The following MMP15 variants were observed in gnomAD, a reference collection of about 807,000 sequenced individuals.
MMP15 encodes matrix metalloproteinase-15.
In MMP15, 36 loss-of-function variants were observed where a neutral mutation model predicts 65.0. The ratio of observed to expected loss-of-function variants is 0.55; its 90% CI spans 0.42 to 0.73. MMP15 has a LOEUF of 0.73. MMP15 is among the 30% of genes least tolerant of loss of function. The pLI, the probability that MMP15 is intolerant of heterozygous loss-of-function variation, is 0.00. For synonymous variants in MMP15, 428 were observed against 410.2 expected (o/e 1.04, Z -0.52); for missense variants, 870 against 987.8 (o/e 0.88, Z 1.60).
rs573211911 is a variant in MMP15 at position 58,034,411 on chromosome 16, C to T, written c.163-3061C>T. On this transcript the variant is annotated intron_variant, in intron 1 of 9. Coordinates refer to ENST00000219271, the MANE Select transcript of MMP15 (RefSeq NM_002428.4). ...CCTCCTGTGTTCCCCTGAGCTTGTCCCACTTAGTGTGGCAGGAAGGTGCCA... is the reference window on the plus strand; with the variant it reads ...CCTCCTGTGTTCCCCTGAGCTTGTCTCACTTAGTGTGGCAGGAAGGTGCCA... Among the ~76,000 whole-genome samples the T allele has an allele frequency of 5.2e-4, 79 of 151,854 alleles. 1 individual carries two copies. In the South Asian group the frequency reaches 0.016, roughly 30 times the overall value.
chr16:58,031,218 G>T (rs1404966642), intron 1 of MMP15, among the ~76,000 whole-genome samples: 2 of 152,204 alleles, frequency 1.3e-5, no homozygotes, highest in African/African-American at 4.8e-5. Context: ...CTGGCCTGGA[G>T]CCCAAGTTCC....
intron 3 of MMP15, among the ~76,000 whole-genome samples, chr16:58,039,103 A>G (rs1419355252): frequency 6.6e-6 from 1 of 152,238 alleles, no homozygotes; most frequent in Non-Finnish European, 1.5e-5. Context: ...CTGTGAAGAA[A>G]GTACCACACA....
At chr16:58,026,619 T>C in intron 1 of MMP15, 107 bp downstream of exon 1, 5 of 1,185,264 alleles carry the variant, frequency 4.2e-6, no homozygotes, top group Non-Finnish European at 5.4e-6. Context: ...ACGCGCCCCC[T>C]GTTCTGGGCC....
In MMP15 at chr16:58,026,407, C is replaced by T. The variant is rs1186627487; in HGVS notation, c.57C>T (p.Gly19=). Residue 19 remains glycine, a synonymous_variant, in exon 1 of 10, where the codon GGC becomes GGT. Coordinates refer to ENST00000219271, the MANE Select transcript of MMP15 (RefSeq NM_002428.4). The part of the protein sequence containing the change: ...GRPGWTGSLL[G]DREEAARPRL... ...CGGGCTGGACGGGCAGCCTCCTCGG[C>T]GACCGGGAGGAGGCGGCGCGGCCGC... is the stretch of plus-strand genomic sequence containing the variant. 1 of 1,428,710 alleles carries T rather than the reference C, an allele frequency of 7.0e-7. No individual in the cohort carries two copies. The highest frequency in any genetic ancestry group is 9.1e-7 in the Non-Finnish European group (1 of 1,096,488). The allele number at this position is 1,428,710 out of a possible 1,614,324, so 88.5% of individuals were successfully genotyped here. A position where few individuals can be genotyped will look rare whatever the true frequency, so the allele number is the denominator to read the frequency against.
intron 1 of MMP15, among the ~76,000 whole-genome samples, chr16:58,037,035 C>T (rs1464103831): frequency 6.6e-6 from 1 of 152,102 alleles, no homozygotes; most frequent in East Asian, 1.9e-4. Flanking sequence ...GAAACAGCGA[C>T]CTGAAGAAAA....
chr16:58,037,682 G>T (rs1959362003), intron 2 of MMP15, 62 bp downstream of exon 2: 18 of 1,607,298 alleles, frequency 1.1e-5, no homozygotes, highest in Non-Finnish European at 1.4e-5. Flanking sequence ...CTGCTCTCAA[G>T]AGGGCTCAGC....
intron 3 of MMP15, 50 bp downstream of exon 3, chr16:58,038,444 C>G: frequency 1.2e-6 from 2 of 1,606,286 alleles, no homozygotes; most frequent in Non-Finnish European, 1.7e-6. Flanking sequence ...GCAGGCCGAG[C>G]CTCAGACCTC....
chr16:58,036,538 C>T (rs1056383028), intron 1 of MMP15, among the ~76,000 whole-genome samples: 1 of 152,210 alleles, frequency 6.6e-6, no homozygotes, highest in African/African-American at 2.4e-5. Flanking sequence ...GGGAAGGGCA[C>T]ACCCATTGTG....
chr16:58,037,816 A>C (rs1959366390), intron 2 of MMP15, among the ~76,000 whole-genome samples, 196 bp downstream of exon 2: 1 of 152,222 alleles, frequency 6.6e-6, no homozygotes, highest in African/African-American at 2.4e-5. Context: ...CCAGGGGCAG[A>C]ATCCAGGCCT....
In MMP15 at chr16:58,046,586, C is replaced by G. The variant is rs1384257095; in HGVS notation, c.*1140C>G. 1 of 152,764 alleles carries G rather than the reference C, an allele frequency of 6.5e-6. No individual in the cohort carries two copies. Among genetic ancestry groups the G allele is most frequent in the Non-Finnish European group, 1.5e-5 (1 of 68,142 alleles). 9.5% of individuals were successfully genotyped at this position (152,764 alleles called of 1,614,324 possible). On this transcript the variant is annotated 3_prime_UTR_variant, in exon 10 of 10. Coordinates refer to ENST00000219271, the MANE Select transcript of MMP15 (RefSeq NM_002428.4). ...AGCCCTGAGGACAGATGCCTCCTTC[C>G]TCTTTTCCTTCCCAAAGCAAGCAAG...
At chr16:58,041,126 C>T (rs961900178) in intron 5 of MMP15, among the ~76,000 whole-genome samples, 3 of 152,198 alleles carry the variant, frequency 2.0e-5, no homozygotes, top group Non-Finnish European at 4.4e-5. Context: ...GCCACCCCCC[C>T]ACCCAGGGCC....
At chr16:58,040,831 A>G (rs1273700712) in intron 5 of MMP15, 133 bp downstream of exon 5, 2 of 1,314,956 alleles carry the variant, frequency 1.5e-6, no homozygotes, top group Non-Finnish European at 2.2e-6. Flanking sequence ...ACTTGCCCAC[A>G]TCATTTGGGG....
chr16:58,026,267 A>G lies in MMP15; in HGVS notation c.-84A>G. 1 of 1,228,138 alleles carries G rather than the reference A, an allele frequency of 8.1e-7. No individual in the cohort carries two copies. Among genetic ancestry groups the G allele is most frequent in the Non-Finnish European group, 1.0e-6 (1 of 981,850 alleles). 76.1% of individuals were successfully genotyped at this position (1,228,138 alleles called of 1,614,324 possible). On this transcript the variant is annotated 5_prime_UTR_variant, in exon 1 of 10. Transcript: ENST00000219271. ...AGGTCCGCGGCGCGCCTGCCGGGCCAGGAGCCAGGGAGCGTCGCAAGTTTC... is the reference window on the plus strand; with the variant it reads ...AGGTCCGCGGCGCGCCTGCCGGGCCGGGAGCCAGGGAGCGTCGCAAGTTTC...
At chr16:58,026,776 C>T (rs1338523171) in intron 1 of MMP15, among the ~76,000 whole-genome samples, 2 of 152,246 alleles carry the variant, frequency 1.3e-5, no homozygotes, top group Non-Finnish European at 2.9e-5. Context: ...AGCCCCCACC[C>T]CGACCCCCTT....
intron 1 of MMP15, among the ~76,000 whole-genome samples, chr16:58,027,951 C>T (rs969466839): frequency 6.6e-6 from 1 of 152,018 alleles, no homozygotes; most frequent in African/African-American, 2.4e-5. Flanking sequence ...AAGTACTGGG[C>T]GGAGAGTGCC....
intron 7 of MMP15, 126 bp from the exon 8 acceptor site, chr16:58,043,084 T>C: frequency 1.1e-6 from 1 of 904,568 alleles, no homozygotes. Context: ...GTGACCTCAT[T>C]GTATGTTGTC....
chr16:58,043,476 A>T (rs867105269), intron 8 of MMP15, 36 bp from the exon 9 acceptor site: 1 of 1,609,240 alleles, frequency 6.2e-7, no homozygotes, highest in Middle Eastern at 1.7e-4. Context: ...CCCAAGCAGG[A>T]TCTCTAGGTC....
At chr16:58,044,793 T>C (rs1426169081) in intron 9 of MMP15, among the ~76,000 whole-genome samples, 2 of 152,178 alleles carry the variant, frequency 1.3e-5, no homozygotes, top group African/African-American at 4.8e-5. Context: ...GTCAGTCTGG[T>C]CAGGAAGCCC....
chr16:58,036,942 A>G (rs1482934886), intron 1 of MMP15, among the ~76,000 whole-genome samples: 1 of 152,218 alleles, frequency 6.6e-6, no homozygotes, highest in Non-Finnish European at 1.5e-5. Context: ...GGTGATAAGC[A>G]TGGGAGGAAG....
Sources: gnomAD v4.1 joint callset for allele counts (sites outside exome capture counted in the v4.1 genomes callset) on GRCh38, gnomAD v4.1.1 for gene constraint, MANE v1.5 for transcripts, NCBI Gene and HGNC (gene_info 2026-07-23, HGNC 2026-07-21) for gene names.